LRFN5: variants seen among roughly 807,000 people sequenced by gnomAD.
LRFN5 encodes leucine-rich repeat and fibronectin type-III domain-containing protein 5.
In LRFN5, 24 loss-of-function variants were observed where a neutral mutation model predicts 45.6. That is an observed-to-expected ratio of 0.53 (90% CI 0.38 to 0.74). LRFN5 has a LOEUF of 0.74. LRFN5 is among the 30% of genes least tolerant of loss of function. The probability of loss-of-function intolerance (pLI) is 0.00; values close to 1 mark genes in which losing one functional copy is unlikely to be tolerated. For synonymous variants in LRFN5, 340 were observed against 313.8 expected, an observed-to-expected ratio of 1.08 and a Z score of -0.88; for missense variants, 776 against 861.5, an observed-to-expected ratio of 0.90 and a Z score of 1.24.
intron 1 of LRFN5, among the ~76,000 whole-genome samples, chr14:41,741,994 A>G (rs1324595633): frequency 1.3e-5 from 2 of 151,758 alleles, no homozygotes; most frequent in Non-Finnish European, 1.5e-5. Context: ...TAAAATGGCT[A>G]TTACAAAAAT....
intron 2 of LRFN5, among the ~76,000 whole-genome samples, chr14:41,854,417 G>T (rs1288245871): frequency 3.9e-5 from 6 of 151,906 alleles, no homozygotes; most frequent in African/African-American, 1.2e-4. Flanking sequence ...TGTAAATGAC[G>T]AGTTAACAGG....
chr14:41,810,682 A>AT (rs1403977778), intron 2 of LRFN5, among the ~76,000 whole-genome samples: 1 of 152,120 alleles, frequency 6.6e-6, no homozygotes, highest in African/African-American at 2.4e-5. Flanking sequence ...TTCCAAATGC[A>AT]TTATATTTAT....
chr14:41,631,893 T>C (rs1188236460), intron 1 of LRFN5, among the ~76,000 whole-genome samples: 1 of 152,198 alleles, frequency 6.6e-6, no homozygotes, highest in Non-Finnish European at 1.5e-5. Flanking sequence ...TAAAGGACTT[T>C]GGTTTTCATT....
intron 2 of LRFN5, among the ~76,000 whole-genome samples, chr14:41,792,215 G>A (rs1886947827): frequency 6.6e-6 from 1 of 152,014 alleles, no homozygotes; most frequent in Admixed American, 6.6e-5. Flanking sequence ...TAGGTACAAA[G>A]ATCACATGCT....
At chr14:41,716,676 AG>A (rs1566634171) in intron 1 of LRFN5, among the ~76,000 whole-genome samples, 1 of 152,152 alleles carries the variant, frequency 6.6e-6, no homozygotes, top group Non-Finnish European at 1.5e-5. Flanking sequence ...ACAAGTCTCT[AG>A]GAAGTGCGAA....
rs75391546 is a variant in LRFN5, at chr14:41,725,674, G to T, written c.-196-41180G>T. Among the ~76,000 whole-genome samples, 1,507 of 152,242 alleles carry T rather than the reference G, an allele frequency of 9.9e-3. 8 individuals carry two copies. The highest frequency in any genetic ancestry group is 0.015 in the East Asian group (79 of 5,166). On this transcript the variant is annotated intron_variant, in intron 1 of 5. Transcript: ENST00000298119. The stretch of plus-strand genomic sequence containing the variant: ...AGAATTACTGTAAATTGCCACATAT[G>T]TGTAATTATTACAGAGTGCTTCTGA...
chr14:41,877,476 T>G (rs1890224976), intron 2 of LRFN5, among the ~76,000 whole-genome samples: 1 of 152,098 alleles, frequency 6.6e-6, no homozygotes, highest in South Asian at 2.1e-4. Flanking sequence ...AATAAAGAAA[T>G]TACTACTTAT....
chr14:41,842,730 G>A (rs114289243), intron 2 of LRFN5, among the ~76,000 whole-genome samples: 2,424 of 152,122 alleles, frequency 0.016, 57 homozygotes, highest in African/African-American at 0.054. Flanking sequence ...ACCATGAGAA[G>A]TGTATGAATG....
In LRFN5 at chr14:41,821,714, G is replaced by A. The variant is rs745546606; in HGVS notation, c.-21+54685G>A. On this transcript the variant is annotated intron_variant, in intron 2 of 5. Transcript: ENST00000298119. ...AGTTTCAGTAGGATTTGTACCAGTT[G>A]GTTGTACATCTATAGAAATTGGCTG... 1.7e-4 allele frequency among the ~76,000 whole-genome samples: 25 copies of A among 149,664 alleles called. No homozygotes were observed. In the East Asian group the frequency reaches 2.0e-3, roughly 12 times the overall value.
chr14:41,825,403 G>A (rs887509462), intron 2 of LRFN5, among the ~76,000 whole-genome samples: 1 of 152,210 alleles, frequency 6.6e-6, no homozygotes. Flanking sequence ...GTCTCTGCTG[G>A]AAGGAGAACA....
intron 1 of LRFN5, among the ~76,000 whole-genome samples, chr14:41,640,802 C>T (rs142480826): frequency 6.6e-6 from 1 of 152,022 alleles, no homozygotes; most frequent in Admixed American, 6.6e-5. Context: ...ATTTTATTGC[C>T]CTTTATCCCA....
chr14:41,721,863 A>G (rs1166469784), intron 1 of LRFN5, among the ~76,000 whole-genome samples: 4 of 152,020 alleles, frequency 2.6e-5, no homozygotes, highest in Admixed American at 2.6e-4. Flanking sequence ...TATATTTTGT[A>G]CAGTATCTCA....
rs1287011338 is a variant in LRFN5 at position 41,786,088 on chromosome 14, C to T, written c.-21+19059C>T. Among the ~76,000 whole-genome samples the T allele has an allele frequency of 1.3e-5, 2 of 152,080 alleles. 1 individual carries two copies. Among genetic ancestry groups the T allele is most frequent in the Admixed American group, 1.3e-4 (2 of 15,270 alleles). On this transcript the variant is annotated intron_variant, in intron 2 of 5. Transcript: ENST00000298119. ...TTATGTCTATATTTTTGCTCCTGTC[C>T]TTTGGGCCATTGTTGTCTTATAGTT...
intron 1 of LRFN5, among the ~76,000 whole-genome samples, chr14:41,619,426 G>T (rs1258197075): frequency 3.3e-5 from 5 of 151,912 alleles, no homozygotes; most frequent in Non-Finnish European, 7.4e-5. Flanking sequence ...GAGTGTATTT[G>T]ACTTCAGTGT....
chr14:41,867,690 C>G (rs79165134), intron 2 of LRFN5, among the ~76,000 whole-genome samples: 1 of 152,104 alleles, frequency 6.6e-6, no homozygotes, highest in African/African-American at 2.4e-5. Context: ...TCCATCAGAT[C>G]TCTGCCATTT....
chr14:41,811,558 G>A (rs774028967), intron 2 of LRFN5, among the ~76,000 whole-genome samples: 1 of 151,992 alleles, frequency 6.6e-6, no homozygotes, highest in Non-Finnish European at 1.5e-5. Context: ...AATAAACATG[G>A]TATATACACA....
intron 1 of LRFN5, among the ~76,000 whole-genome samples, chr14:41,753,973 AG>A (rs1294313483): frequency 2.6e-5 from 4 of 152,174 alleles, no homozygotes; most frequent in South Asian, 2.1e-4. Flanking sequence ...TTTAGCATGA[AG>A]GGCTGTTGAA....
chr14:41,705,090 A>T (rs1234229555), intron 1 of LRFN5, among the ~76,000 whole-genome samples: 1 of 152,144 alleles, frequency 6.6e-6, no homozygotes. Flanking sequence ...ACTAAAATGT[A>T]CCATTTTTCA....
intron 1 of LRFN5, among the ~76,000 whole-genome samples, chr14:41,616,039 C>T (rs930059458): frequency 2.0e-5 from 3 of 152,112 alleles, no homozygotes; most frequent in Non-Finnish European, 4.4e-5. Flanking sequence ...TATTATGAAT[C>T]TTGACACTTT....
Sources: gnomAD v4.1 joint callset for allele counts (sites outside exome capture counted in the v4.1 genomes callset) on GRCh38, gnomAD v4.1.1 for gene constraint, MANE v1.5 for transcripts, NCBI Gene and HGNC (gene_info 2026-07-23, HGNC 2026-07-21) for gene names.